The following LRRC49 variants were observed in gnomAD, a reference collection of about 807,000 sequenced individuals.
LRRC49 encodes the protein leucine rich repeat containing 49, also known as leucine-rich repeat-containing protein 49.
A neutral mutation model predicts 83.3 loss-of-function variants in LRRC49; 50 were observed. The ratio of observed to expected loss-of-function variants is 0.60; its 90% confidence interval spans 0.48 to 0.76. LRRC49 has a LOEUF of 0.76. Among genes scored for constraint, LRRC49 ranks in the 30% least tolerant of loss-of-function variants. LRRC49 has a pLI of 0.00. For missense variants in LRRC49, 704 were observed against 809.1 expected, an observed-to-expected ratio of 0.87 and a Z score of 1.58; for synonymous variants, 286 against 283.3, an observed-to-expected ratio of 1.01 and a Z score of -0.10.
intron 8 of LRRC49, among the ~76,000 whole-genome samples, chr15:70,959,536 G>GGGAAGCAAGGAA (rs2036524856): frequency 1.3e-5 from 1 of 79,556 alleles, no homozygotes; most frequent in African/African-American, 5.4e-5. Context: ...GAGGAAAGGA[G>GGGAAGCAAGGAA]GGAAGGAAGG....
chr15:70,957,303 A>G (rs543193171), intron 8 of LRRC49, among the ~76,000 whole-genome samples: 17 of 152,334 alleles, frequency 1.1e-4, no homozygotes, highest in African/African-American at 4.1e-4. Context: ...TAGCAATAAA[A>G]TTAGAATCTA....
chr15:71,018,333 G>A (rs910445440), intron 14 of LRRC49, among the ~76,000 whole-genome samples: 1 of 152,256 alleles, frequency 6.6e-6, no homozygotes, highest in Non-Finnish European at 1.5e-5. Context: ...TTTGAAAAGA[G>A]TAGTTTTTGA....
intron 8 of LRRC49, among the ~76,000 whole-genome samples, chr15:70,960,357 T>C (rs147159587): frequency 1.3e-3 from 196 of 152,300 alleles, no homozygotes; most frequent in Non-Finnish European, 2.2e-3. Context: ...TTATATGTGT[T>C]TTTAAAGTCC....
intron 1 of LRRC49, chr15:70,854,172 G>T: frequency 9.6e-7 from 1 of 1,041,446 alleles, no homozygotes; most frequent in Non-Finnish European, 1.2e-6. Flanking sequence ...CGAGGGGGCG[G>T]GGGCGGTGCG....
At chr15:70,853,670 T>C in intron 1 of LRRC49, 1 of 338,318 alleles carries the variant, frequency 3.0e-6, no homozygotes, top group South Asian at 1.5e-4. Context: ...CCGCCAGCCC[T>C]GGGAGCCTCG....
chr15:70,882,519 C>T (rs2033288564), intron 2 of LRRC49: 2 of 1,613,706 alleles, frequency 1.2e-6, no homozygotes, highest in African/African-American at 1.3e-5. Context: ...CTCTTGATAT[C>T]CCAGTCTGTA....
intron 5 of LRRC49, among the ~76,000 whole-genome samples, chr15:70,909,672 C>T (rs1596007723): frequency 6.6e-6 from 1 of 152,132 alleles, no homozygotes; most frequent in Non-Finnish European, 1.5e-5. Flanking sequence ...AACCCCGTCT[C>T]TACCAAAACT....
At chr15:70,892,692 A>G, upstream of LRRC49, 1 of 1,457,818 alleles carries the variant, frequency 6.9e-7, no homozygotes, top group Non-Finnish European at 9.0e-7. Context: ...GTGGTGACGC[A>G]CTGGGCTCTC....
At chr15:70,952,077 T>C (rs549270486) in intron 8 of LRRC49, among the ~76,000 whole-genome samples, 1 of 152,150 alleles carries the variant, frequency 6.6e-6, no homozygotes, top group South Asian at 2.1e-4. Flanking sequence ...TATTGATTTG[T>C]GTATGTTGAA....
chr15:71,002,578 T>C (rs2038299355), intron 11 of LRRC49, among the ~76,000 whole-genome samples: 1 of 152,150 alleles, frequency 6.6e-6, no homozygotes, highest in Admixed American at 6.5e-5. Flanking sequence ...TTCCTGTCTA[T>C]GAACACTGTG....
intron 8 of LRRC49, 140 bp downstream of exon 8, chr15:70,936,962 T>C (rs1320589951): frequency 4.9e-6 from 3 of 606,298 alleles, no homozygotes; most frequent in Non-Finnish European, 8.7e-6. Context: ...ACAAAGTTCT[T>C]TGTGGAAAAG....
At chr15:71,038,884 C>T (rs1047118695) in intron 15 of LRRC49, among the ~76,000 whole-genome samples, 1 of 152,134 alleles carries the variant, frequency 6.6e-6, no homozygotes, top group Non-Finnish European at 1.5e-5. Context: ...TATTGAACAC[C>T]TGTCATACAC....
intron 11 of LRRC49, among the ~76,000 whole-genome samples, chr15:71,002,292 T>G (rs1944353310): frequency 6.6e-6 from 1 of 151,198 alleles, no homozygotes; most frequent in African/African-American, 2.4e-5. Flanking sequence ...TGGGTTACAA[T>G]GTCTATAACC....
In LRRC49 at chr15:70,904,673, G is replaced by C; in HGVS notation, c.418G>C (p.Asp140His). The change falls in exon 5 of 16, where the codon GAT becomes CAT. Residue 140 changes from aspartate (D) to histidine (H), a missense_variant. By Grantham distance (81) the Asp-to-His change is moderately conservative (BLOSUM62 -1). Around this residue, in one of 3 missense-constraint regions of LRRC49, gnomAD observed 261 missense variants for 330.5 expected, o/e 0.79. Coordinates refer to ENST00000260382, the MANE Select transcript of LRRC49 (RefSeq NM_017691.5). ...ISNLQKLISLDLYDNQIEEIS... is the reference protein window; with the variant it reads ...ISNLQKLISLHLYDNQIEEIS... ...TAATCTACAGAAGTTAATATCGTTG[G>C]ATTTATATGATAACCAGATTGAAGA... The C allele has an allele frequency of 6.2e-7, 1 of 1,613,318 alleles. No individual in the cohort carries two copies.
chr15:70,900,621 A>G (rs1233784911), intron 3 of LRRC49: 1 of 468,122 alleles, frequency 2.1e-6, no homozygotes, highest in Non-Finnish European at 4.2e-6. Context: ...GACAGTTAGA[A>G]TTTAAGACAA....
intron 14 of LRRC49, among the ~76,000 whole-genome samples, chr15:71,034,202 C>T (rs540090890): frequency 6.6e-6 from 1 of 152,048 alleles, no homozygotes; most frequent in East Asian, 1.9e-4. Flanking sequence ...AAAAAACAAA[C>T]CCCATCAAAA....
At chr15:70,897,283 AC>A (rs1379678090) in intron 3 of LRRC49, among the ~76,000 whole-genome samples, 3 of 152,104 alleles carry the variant, frequency 2.0e-5, no homozygotes, top group African/African-American at 7.2e-5. Context: ...AATTTTGTGA[AC>A]CTGAGAGATG....
upstream of LRRC49, chr15:70,892,036 CA>C: frequency 6.2e-7 from 1 of 1,613,398 alleles, no homozygotes; most frequent in South Asian, 1.1e-5. Context: ...CCACCAGCCT[CA>C]GGCGCTGGGA....
In LRRC49 at chr15:70,988,811, A is replaced by T. The variant is rs983836017; in HGVS notation, c.1169+4554A>T. On this transcript the variant is annotated intron_variant, in intron 11 of 15. Transcript: ENST00000260382. The stretch of plus-strand genomic sequence containing the variant: ...TTCCATGTTTAGTGCTTCCTTCAGG[A>T]GCTCTTTTAGGGCAGGCCTGGTGGT... Among the ~76,000 whole-genome samples, 1,501 of 151,660 alleles carry T rather than the reference A, an allele frequency of 9.9e-3. 25 individuals carry two copies. The highest frequency in any genetic ancestry group is 0.034 in the African/African-American group (1,390 of 41,338).
Sources: gnomAD v4.1 joint callset for allele counts (sites outside exome capture counted in the v4.1 genomes callset) on GRCh38, gnomAD v4.1.1 for gene constraint, gnomAD v4.1.1 regional missense constraint, MANE v1.5 for transcripts, NCBI Gene and HGNC (gene_info 2026-07-23, HGNC 2026-07-21) for gene names.